CSPG4: variants seen among roughly 807,000 people sequenced by gnomAD.
CSPG4 encodes the protein chondroitin sulfate proteoglycan 4, also known as chondroitin sulfate proteoglycan 4 (melanoma-associated).
Under a neutral mutation model 139.3 loss-of-function variants are expected in CSPG4, and 74 were observed. The ratio of observed to expected loss-of-function variants is 0.53; its 90% CI spans 0.44 to 0.64. The LOEUF (loss-of-function observed/expected upper bound fraction) is 0.64, where lower values mean the gene tolerates loss of function less well. CSPG4 is among the 30% of genes least tolerant of loss of function. CSPG4 has a pLI of 0.00. For missense variants in CSPG4, 2,565 were observed against 3,148.3 expected (o/e 0.81, Z 4.43); for synonymous variants, 1,234 against 1,394.2 (o/e 0.89, Z 2.56).
chr15:75,682,774 G>C (rs371145581), intron 6 of CSPG4, 33 bp from the exon 7 acceptor site: 1 of 1,608,532 alleles, frequency 6.2e-7, no homozygotes, highest in African/African-American at 1.3e-5. Flanking sequence ...CAGCTGGCCC[G>C]AGCCGGCTCC....
chr15:75,712,973 CG>C, upstream of CSPG4: 1 of 521,376 alleles, frequency 1.9e-6, no homozygotes, highest in South Asian at 2.6e-5. Flanking sequence ...TTAAAGGGCC[CG>C]TGCGGGGCTG....
intron 1 of CSPG4, among the ~76,000 whole-genome samples, chr15:75,704,840 A>C (rs1894348757): frequency 6.6e-6 from 1 of 152,154 alleles, no homozygotes. Flanking sequence ...TGCAGCCACC[A>C]CTGCTTATAT....
At chr15:75,712,587 G>T in intron 1 of CSPG4, 81 bp downstream of exon 1, 22 of 1,368,868 alleles carry the variant, frequency 1.6e-5, no homozygotes, top group Non-Finnish European at 2.1e-5. Context: ...GCCACTTCTG[G>T]CTCCTCCTGT....
chr15:75,699,013 G>T (rs1257657755), intron 1 of CSPG4, among the ~76,000 whole-genome samples: 1 of 152,134 alleles, frequency 6.6e-6, no homozygotes, highest in Non-Finnish European at 1.5e-5. Context: ...CTGCTCTTTA[G>T]CAACTCTTCC....
intron 1 of CSPG4, among the ~76,000 whole-genome samples, chr15:75,706,289 G>A (rs905187325): frequency 2.6e-5 from 4 of 152,214 alleles, no homozygotes; most frequent in African/African-American, 7.2e-5. Flanking sequence ...CCTGGCGGGG[G>A]AACGAGGCAC....
In CSPG4 at chr15:75,675,892, C is replaced by T. The variant is rs1323144500; in HGVS notation, c.6627G>A (p.Val2209=). The change falls in exon 10 of 10, where the codon GTG becomes GTA. Residue 2209 remains valine, a synonymous_variant. Transcript: ENST00000308508. The part of the protein sequence containing the change: ...GPMASSPEPA[V]AKGGFLSFLE... Reference sequence around the variant, plus strand: ...GGAAGCTCAGGAAGCCTCCCTTGGCCACAGCGGGCTCAGGGCTGGATGCCA... The same window carrying T: ...GGAAGCTCAGGAAGCCTCCCTTGGCTACAGCGGGCTCAGGGCTGGATGCCA... 1 of 1,604,856 alleles carries T rather than the reference C, an allele frequency of 6.2e-7. No homozygotes were observed. Among genetic ancestry groups the T allele is most frequent in the African/African-American group, 1.3e-5 (1 of 75,054 alleles).
At chr15:75,686,819 G>A (rs1894065726) in intron 3 of CSPG4, among the ~76,000 whole-genome samples, 2 of 152,256 alleles carry the variant, frequency 1.3e-5, no homozygotes, top group Admixed American at 6.5e-5. Context: ...TGGGGTTCCT[G>A]GGTGGGCAGA....
chr15:75,681,554 G>A (rs1187389527), intron 8 of CSPG4, among the ~76,000 whole-genome samples: 3 of 152,342 alleles, frequency 2.0e-5, no homozygotes, highest in East Asian at 3.9e-4. Flanking sequence ...CCTGGCGGGA[G>A]CATCACATGT....
At position 75,687,594 on chromosome 15, in the gene CSPG4, G is replaced by A. The variant is rs766523270; in HGVS notation, c.3471C>T (p.Asp1157=). 4 of 1,611,064 alleles carry A rather than the reference G, an allele frequency of 2.5e-6. No homozygotes were observed. In the East Asian group the frequency reaches 8.9e-5, roughly 36 times the overall value. The part of the protein sequence containing the change: ...TAVLHLDTNL[D]IRSGDEVHYH... The stretch of plus-strand genomic sequence containing the variant: ...AGTGGACCTCATCCCCACTGCGGAT[G>A]TCGAGGTTGGTGTCCAGGTGGAGCA... Residue 1157 remains aspartate, a synonymous_variant, in exon 3 of 10, where the codon GAC becomes GAT. Transcript: ENST00000308508. The surrounding 1 kb of genome is among the most constrained non-coding windows in gnomAD (Gnocchi z 5.4).
chr15:75,707,946 C>G (rs1048554881), intron 1 of CSPG4, among the ~76,000 whole-genome samples: 1 of 151,880 alleles, frequency 6.6e-6, no homozygotes, highest in African/African-American at 2.4e-5. Flanking sequence ...AGCTACCCCC[C>G]AAACCAGGGC....
intron 1 of CSPG4, among the ~76,000 whole-genome samples, chr15:75,705,072 T>C (rs534600960): frequency 5.2e-4 from 79 of 152,306 alleles, no homozygotes; most frequent in African/African-American, 1.8e-3. Flanking sequence ...GTTCCTGCTG[T>C]GCCCCGGCCC....
rs772643023 is a variant in CSPG4, at chr15:75,689,967, C to G, written c.1098G>C (p.Gly366=). ...EDLSVNGQRR[G]LREALLTRNM... ...TGCGCGTCAGCAAAGCTTCCCGCAGCCCCCGCCTCTGGCCATTGACACTGA... is the reference window on the plus strand; with the variant it reads ...TGCGCGTCAGCAAAGCTTCCCGCAGGCCCCGCCTCTGGCCATTGACACTGA... The change falls in exon 3 of 10, where the codon GGG becomes GGC. Residue 366 remains glycine (G), a synonymous_variant. Transcript: ENST00000308508. 1 of 1,611,850 alleles carries G rather than the reference C, an allele frequency of 6.2e-7. No homozygotes were observed. Among genetic ancestry groups the G allele is most frequent in the Non-Finnish European group, 8.5e-7 (1 of 1,179,528 alleles).
chr15:75,676,616 A>G lies in CSPG4; in HGVS notation c.5903T>C (p.Val1968Ala). ...CTCTGGCTCCTCCCGATCTGAAACC[A>G]CCCGGAGCTGCTGCTGGCTCAGTGA... ...RSSLSQQQLR[V>A]VSDREEPEAA... Residue 1968 changes from valine (V) to alanine (A), a missense_variant, in exon 10 of 10, where the codon GTG becomes GCG. Transcript: ENST00000308508. 6.2e-7 allele frequency: 1 copy of G among 1,607,124 alleles called. No homozygotes were observed. Among genetic ancestry groups the G allele is most frequent in the Non-Finnish European group, 8.5e-7 (1 of 1,176,282 alleles).
Position 75,674,967 on chromosome 15 carries a change from T to C in CSPG4, c.*583A>G. On this transcript the variant is annotated 3_prime_UTR_variant, in exon 10 of 10. Coordinates refer to ENST00000308508, the MANE Select transcript of CSPG4 (RefSeq NM_001897.5). ...ACCTACCCACCCTGCACCCTGAATA[T>C]ATTATCCTATTGGCTTATGCCTTCT... 2.5e-6 allele frequency: 1 copy of C among 396,344 alleles called. No homozygotes were observed. Among genetic ancestry groups the C allele is most frequent in the Middle Eastern group, 6.3e-4 (1 of 1,590 alleles). 24.6% of individuals were successfully genotyped at this position (396,344 alleles called of 1,614,324 possible).
chr15:75,687,896 C>A lies in CSPG4; in HGVS notation c.3169G>T (p.Val1057Leu). ...AAGAGGAGGTCCTTGCGGGTAAGCA[C>A]CAGCTGGGCGTCAGCAAAGCCCGAG... Reference protein sequence around the residue: ...ADSGFADAQLVLTRKDLLFGS... With the variant: ...ADSGFADAQLLLTRKDLLFGS... The change falls in exon 3 of 10, where the codon GTG becomes TTG. Residue 1057 changes from valine to leucine, a missense_variant. By Grantham distance (32) the Val-to-Leu change is conservative (BLOSUM62 1). Transcript: ENST00000308508. This position sits in a 1 kb window ranked among gnomAD's most constrained non-coding sequence, Gnocchi z 5.4. 6.2e-7 allele frequency: 1 copy of A among 1,612,950 alleles called. No individual in the cohort carries two copies. Among genetic ancestry groups the A allele is most frequent in the South Asian group, 1.1e-5 (1 of 91,090 alleles).
chr15:75,694,428 G>A (rs1051978387), intron 1 of CSPG4, among the ~76,000 whole-genome samples: 53 of 152,228 alleles, frequency 3.5e-4, no homozygotes, highest in African/African-American at 1.3e-3. Context: ...AGAGAAACAC[G>A]GGTTAAAAAC....
In CSPG4 at chr15:75,683,030, C is replaced by T. The variant is rs1454983247; in HGVS notation, c.4461G>A (p.Gly1487=). The change falls in exon 6 of 10, where the codon GGG becomes GGA. Residue 1487 remains glycine (G), a synonymous_variant. Coordinates refer to ENST00000308508, the MANE Select transcript of CSPG4 (RefSeq NM_001897.5). ...TTNTGLQMWE[G]ATAPIPAEAL... is the part of the protein sequence containing the mutation. Reference sequence around the variant, plus strand: ...CCTCCGCAGGGATGGGCGCAGTGGCCCCCTCCCACATCTGGGAACACAGGC... The same window carrying T: ...CCTCCGCAGGGATGGGCGCAGTGGCTCCCTCCCACATCTGGGAACACAGGC... 2.5e-6 allele frequency: 4 copies of T among 1,609,952 alleles called. No individual in the cohort carries two copies. The highest frequency in any genetic ancestry group is 1.3e-5 in the African/African-American group (1 of 74,846).
chr15:75,700,589 G>T (rs1369634306), intron 1 of CSPG4, among the ~76,000 whole-genome samples: 7 of 152,184 alleles, frequency 4.6e-5, no homozygotes, highest in Middle Eastern at 3.2e-3. Flanking sequence ...GGAGAGACAG[G>T]GGTCTGGGTG....
In CSPG4 at chr15:75,712,673, G is replaced by T; in HGVS notation, c.83C>A (p.Ser28Tyr). 6.4e-7 allele frequency: 1 copy of T among 1,561,484 alleles called. No homozygotes were observed. Among genetic ancestry groups the T allele is most frequent in the East Asian group, 2.4e-5 (1 of 42,508 alleles). The change falls in exon 1 of 10, where the codon TCC (serine) becomes TAC (tyrosine). Residue 28 changes from serine to tyrosine, a missense_variant. Transcript: ENST00000308508. ...GTCTCAGGCCCCTCACTCACCCGCG[G>T]ATGCAAGTCTGGCCAACATAGTCAG... ...LTLTMLARLA[S>Y]AASFFGENHL...
Sources: allele counts gnomAD v4.1 joint callset (sites outside exome capture counted in the v4.1 genomes callset), GRCh38; gene constraint gnomAD v4.1.1; non-coding constraint Gnocchi (gnomAD v3.1); transcripts MANE v1.5; gene names NCBI Gene and HGNC (gene_info 2026-07-23, HGNC 2026-07-21).